The following CDH13 variants were observed in gnomAD, a reference collection of about 807,000 sequenced individuals.
The protein encoded by CDH13 is cadherin-13.
CDH13 carries 24 observed loss-of-function variants against 63.8 expected under a neutral mutation model. The ratio of observed to expected loss-of-function variants is 0.38; its 90% CI spans 0.27 to 0.53. The LOEUF is 0.53. Among genes scored for constraint, CDH13 ranks in the 20% least tolerant of loss-of-function variants. The pLI is 0.85. For missense variants in CDH13, 1,049 were observed against 903.1 expected, an observed-to-expected ratio of 1.16 and a Z score of -2.07; for synonymous variants, 503 against 355.3, an observed-to-expected ratio of 1.42 and a Z score of -4.67.
At chr16:83,274,586 C>T (rs545721813) in intron 5 of CDH13, among the ~76,000 whole-genome samples, 2 of 152,116 alleles carry the variant, frequency 1.3e-5, no homozygotes, top group East Asian at 1.9e-4. Context: ...GTCTTTCCCC[C>T]CAGAGAAACC....
chr16:83,545,882 A>G lies in CDH13; in HGVS notation c.961-56572A>G, dbSNP rs184424291. 3.9e-5 allele frequency among the ~76,000 whole-genome samples: 6 copies of G among 152,024 alleles called. No homozygotes were observed. In the South Asian group the frequency reaches 6.2e-4, roughly 16 times the overall value. ...TGGCTCCCTTTCTTTGAGCGTATTC[A>G]TTCATTCATTCATTCATTCAATGAC... On this transcript the variant is annotated intron_variant, in intron 7 of 13. Coordinates refer to ENST00000567109, the MANE Select transcript of CDH13 (RefSeq NM_001257.5).
intron 6 of CDH13, among the ~76,000 whole-genome samples, chr16:83,435,855 G>A (rs765195605): frequency 7.2e-5 from 11 of 152,314 alleles, no homozygotes; most frequent in South Asian, 2.1e-4. Flanking sequence ...TGCAGACTCC[G>A]CTGTGTGAAG....
chr16:83,579,346 G>A (rs1905330237), intron 7 of CDH13, among the ~76,000 whole-genome samples: 1 of 152,190 alleles, frequency 6.6e-6, no homozygotes, highest in African/African-American at 2.4e-5. Context: ...ATAAAGAAAA[G>A]AGGTTTAATT....
At chr16:82,897,060 A>G (rs113448486) in intron 2 of CDH13, among the ~76,000 whole-genome samples, 3,715 of 152,212 alleles carry the variant, frequency 0.024, 144 homozygotes, top group African/African-American at 0.083. Flanking sequence ...GATTACAGGC[A>G]TGAGCCACCG....
At chr16:83,683,880 C>G (rs907417445) in intron 10 of CDH13, among the ~76,000 whole-genome samples, 6 of 152,010 alleles carry the variant, frequency 3.9e-5, no homozygotes, top group African/African-American at 9.7e-5. Flanking sequence ...AGTCCTTCTC[C>G]TCTCCAAGAT....
intron 2 of CDH13, among the ~76,000 whole-genome samples, chr16:82,885,103 T>G (rs952508736): frequency 1.3e-5 from 2 of 152,204 alleles, no homozygotes; most frequent in African/African-American, 4.8e-5. Context: ...CAGCTCTTGT[T>G]CTACCTAGAA....
intron 1 of CDH13, among the ~76,000 whole-genome samples, chr16:82,671,343 T>C (rs1286719158): frequency 6.6e-6 from 1 of 152,206 alleles, no homozygotes; most frequent in Non-Finnish European, 1.5e-5. Flanking sequence ...GTATGTACAC[T>C]GTTACGAGGT....
intron 1 of CDH13, among the ~76,000 whole-genome samples, chr16:82,633,075 G>A (rs1033398219): frequency 3.3e-5 from 5 of 152,162 alleles, no homozygotes; most frequent in Non-Finnish European, 5.9e-5. Context: ...GCTTTTGCTT[G>A]CTCACGGGCC....
intron 6 of CDH13, among the ~76,000 whole-genome samples, chr16:83,378,648 A>G (rs2091500473): frequency 2.0e-5 from 3 of 152,122 alleles, no homozygotes. Context: ...GTTTCTTATT[A>G]TCATATTTGC....
At chr16:82,982,755 A>G (rs537201609) in intron 2 of CDH13, among the ~76,000 whole-genome samples, 1 of 152,266 alleles carries the variant, frequency 6.6e-6, no homozygotes, top group Admixed American at 6.5e-5. Context: ...ACAATCCTAT[A>G]ACTAATTCTG....
At chr16:83,418,995 C>CT (rs1442335359) in intron 6 of CDH13, among the ~76,000 whole-genome samples, 1 of 152,136 alleles carries the variant, frequency 6.6e-6, no homozygotes, top group Non-Finnish European at 1.5e-5. Flanking sequence ...TGCCAGCCAA[C>CT]TTTGCACTGC....
At chr16:83,175,206 A>G (rs1271145246) in intron 4 of CDH13, among the ~76,000 whole-genome samples, 6 of 152,148 alleles carry the variant, frequency 3.9e-5, no homozygotes, top group African/African-American at 1.4e-4. Flanking sequence ...CCACAGGATA[A>G]CACATAAGAT....
chr16:82,901,762 G>T (rs1165223953), intron 2 of CDH13, among the ~76,000 whole-genome samples: 4 of 152,204 alleles, frequency 2.6e-5, no homozygotes, highest in African/African-American at 7.2e-5. Context: ...ACCAGGCCCT[G>T]TGCCAATTGC....
chr16:83,754,243 C>G (rs1222107875), intron 11 of CDH13, among the ~76,000 whole-genome samples: 3 of 152,020 alleles, frequency 2.0e-5, no homozygotes, highest in Non-Finnish European at 4.4e-5. Flanking sequence ...TTTGAAGGTA[C>G]AAGGAGTTAA....
intron 6 of CDH13, among the ~76,000 whole-genome samples, chr16:83,421,828 G>T (rs1449132202): frequency 1.3e-5 from 2 of 152,178 alleles, no homozygotes; most frequent in African/African-American, 2.4e-5. Flanking sequence ...ACATTGAAAT[G>T]CTTTTTCCAT....
At chr16:83,022,408 A>AG (rs1237547310) in intron 2 of CDH13, among the ~76,000 whole-genome samples, 8 of 152,372 alleles carry the variant, frequency 5.3e-5, no homozygotes, top group African/African-American at 1.9e-4. Context: ...CATGTCCTTG[A>AG]GACAGCTAGT....
At chr16:82,651,252 C>G (rs1005672361) in intron 1 of CDH13, among the ~76,000 whole-genome samples, 4 of 152,182 alleles carry the variant, frequency 2.6e-5, no homozygotes, top group African/African-American at 7.2e-5. Flanking sequence ...AGGCACCCAG[C>G]TAAGTACTTT....
intron 1 of CDH13, among the ~76,000 whole-genome samples, chr16:82,853,575 C>G (rs1056280566): frequency 3.9e-5 from 6 of 152,186 alleles, no homozygotes; most frequent in Admixed American, 3.3e-4. Flanking sequence ...CCAAGGATAG[C>G]CCGCTGGTAA....
chr16:82,721,215 C>T (rs552298616), intron 1 of CDH13, among the ~76,000 whole-genome samples: 24 of 152,140 alleles, frequency 1.6e-4, no homozygotes, highest in Non-Finnish European at 2.4e-4. Flanking sequence ...AGACATTGCC[C>T]CCACCCTTGA....
Sources: gnomAD v4.1 joint callset for allele counts (sites outside exome capture counted in the v4.1 genomes callset) on GRCh38, gnomAD v4.1.1 for gene constraint, MANE v1.5 for transcripts, NCBI Gene and HGNC (gene_info 2026-07-23, HGNC 2026-07-21) for gene names.